APOL4: variants seen among roughly 807,000 people sequenced by gnomAD.
APOL4 encodes apolipoprotein L4, also known as apolipoprotein L, 4.
APOL4 carries 14 observed loss-of-function variants against 12.1 expected under a neutral mutation model. The observed-to-expected ratio is 1.16, with a 90% CI of 0.76 to 1.81. The LOEUF is 1.81. Ranked by LOEUF, APOL4 falls within the 40% of genes most tolerant of loss-of-function variation. The pLI is 0.00. For missense variants in APOL4, 432 were observed against 423.1 expected, an observed-to-expected ratio of 1.02 and a Z score of -0.18; for synonymous variants, 171 against 160.6, an observed-to-expected ratio of 1.06 and a Z score of -0.49.
rs959315167 is a variant in APOL4, at chr22:36,190,462, C to G, written c.*613G>C. 1.5e-4 allele frequency: 23 copies of G among 152,458 alleles called. No homozygotes were observed. Among genetic ancestry groups the G allele is most frequent in the African/African-American group, 5.6e-4 (23 of 41,428 alleles). The allele number at this position is 152,458 out of a possible 1,614,324, so 9.4% of individuals were successfully genotyped here. A position where few individuals can be genotyped will look rare whatever the true frequency, so the allele number is the denominator to read the frequency against. On this transcript the variant is annotated 3_prime_UTR_variant, in exon 4 of 4. Coordinates refer to ENST00000683024, the MANE Select transcript of APOL4 (RefSeq NM_001386885.1). ...ATAAGCCTGGGAGCGCTATGGGAGA[C>G]TGGGGTTTATTTCATCCCTACAGTC...
upstream of APOL4, among the ~76,000 whole-genome samples, chr22:36,203,959 T>C (rs1470271389): frequency 6.6e-6 from 1 of 152,188 alleles, no homozygotes; most frequent in East Asian, 1.9e-4. Flanking sequence ...GCCTGTTTCT[T>C]CTCCATCACC....
chr22:36,200,953 T>A (rs1016644372), intron 1 of APOL4, among the ~76,000 whole-genome samples: 5 of 152,214 alleles, frequency 3.3e-5, no homozygotes, highest in African/African-American at 1.2e-4. Flanking sequence ...AGGATTAATA[T>A]TGTCATTTTT....
intron 3 of APOL4, 119 bp from the exon 4 acceptor site, chr22:36,192,031 G>A: frequency 1.0e-6 from 1 of 996,864 alleles, no homozygotes; most frequent in Non-Finnish European, 1.4e-6. Flanking sequence ...TGGAAGTAAA[G>A]TTCTAAAAGA....
upstream of APOL4, among the ~76,000 whole-genome samples, chr22:36,203,025 G>A (rs934605024): frequency 1.3e-5 from 2 of 152,178 alleles, no homozygotes; most frequent in Non-Finnish European, 2.9e-5. Flanking sequence ...TCTCACTCCT[G>A]TAGTTACACT....
chr22:36,199,349 T>C lies in APOL4; in HGVS notation c.63A>G (p.Thr21=), dbSNP rs188440004. ...GCTTACCTTGGAACTGTCCAGCCACTGTCCAGCCTGGATGGTTTTGCTGCA... is the reference window on the plus strand; with the variant it reads ...GCTTACCTTGGAACTGTCCAGCCACCGTCCAGCCTGGATGGTTTTGCTGCA... The part of the protein sequence containing the change: ...VGVQQNHPGW[T]VAGQFQEKKR... Residue 21 remains threonine (T), a synonymous_variant, in exon 2 of 4, where the codon ACA becomes ACG. Transcript: ENST00000683024. 1.2e-5 allele frequency: 19 copies of C among 1,614,104 alleles called. No homozygotes were observed. The Admixed American group carries it at 3.2e-4, about 27-fold the overall frequency.
Position 36,191,786 on chromosome 22 carries a change from G to A in APOL4, c.336C>T (p.Ile112=), listed in dbSNP as rs770750848. Residue 112 remains isoleucine, a synonymous_variant, in exon 4 of 4, where the codon ATC becomes ATT. Transcript: ENST00000683024. ...REWFLKEFPQ[I]RWKIQESIER... ...CTATGGACTCCTGAATCTTCCATCTGATTTGAGGAAACTCTTTCAAAAACC... is the reference window on the plus strand; with the variant it reads ...CTATGGACTCCTGAATCTTCCATCTAATTTGAGGAAACTCTTTCAAAAACC... The A allele has an allele frequency of 6.3e-7, 1 of 1,592,246 alleles. No homozygotes were observed. The highest frequency in any genetic ancestry group is 1.1e-5 in the South Asian group (1 of 90,198).
rs1228361357 is a variant in APOL4, at chr22:36,189,319, A to G, written c.*1756T>C. On this transcript the variant is annotated 3_prime_UTR_variant, in exon 4 of 4. Coordinates refer to ENST00000683024, the MANE Select transcript of APOL4 (RefSeq NM_001386885.1). ...CTCCAGGATGTTTGGATTCTCAGAG[A>G]CACCTGGTCCTCAGCTGGGCACCAT... 6.6e-6 allele frequency: 1 copy of G among 152,150 alleles called. No individual in the cohort carries two copies. The highest frequency in any genetic ancestry group is 1.5e-5 in the Non-Finnish European group (1 of 68,084). The allele number at this position is 152,150 out of a possible 1,614,324, so 9.4% of individuals were successfully genotyped here. A position where few individuals can be genotyped will look rare whatever the true frequency, so the allele number is the denominator to read the frequency against.
In APOL4 at chr22:36,201,704, C is replaced by T. The variant is rs376470983; in HGVS notation, c.31G>A (p.Val11Ile). The change falls in exon 1 of 4, where the codon GTC becomes ATC. Residue 11 changes from valine to isoleucine, a missense_variant. Coordinates refer to ENST00000683024, the MANE Select transcript of APOL4 (RefSeq NM_001386885.1). ...GAGCTGGGGCCTCGGACTCACCCGA[C>T]GCTTGTGATGAGCTGCACCCAGGAT... MGSWVQLITS[V>I]GVQQNHPGWT... The T allele has an allele frequency of 2.6e-5, 42 of 1,607,374 alleles. No homozygotes were observed. The highest frequency in any genetic ancestry group is 4.5e-5 in the South Asian group (4 of 89,364).
At chr22:36,191,971 T>C (rs2014269813) in intron 3 of APOL4, 59 bp from the exon 4 acceptor site, 3 of 1,344,242 alleles carry the variant, frequency 2.2e-6, no homozygotes, top group Middle Eastern at 1.9e-4. Flanking sequence ...TAAAATGAGC[T>C]CAATAAGATC....
At chr22:36,197,498 A>T in intron 2 of APOL4, 1 of 1,260,712 alleles carries the variant, frequency 7.9e-7, no homozygotes, top group Non-Finnish European at 1.0e-6. Context: ...GGGGATGGTG[A>T]ATATTAAAGC....
intron 3 of APOL4, among the ~76,000 whole-genome samples, chr22:36,192,431 T>C (rs942594899): frequency 6.6e-6 from 1 of 152,128 alleles, no homozygotes; most frequent in Non-Finnish European, 1.5e-5. Context: ...TGGGAAAAAA[T>C]AAGTTAAAGT....
upstream of APOL4, chr22:36,204,635 T>A (rs1302993309): frequency 8.4e-6 from 6 of 712,828 alleles, no homozygotes; most frequent in Admixed American, 3.0e-5. Flanking sequence ...TACCAAGGGA[T>A]CTTCCTCTGA....
Position 36,191,687 on chromosome 22 carries a change from G to A in APOL4, c.435C>T (p.Gly145=). ...CAATGACAGACAGGATGCCAGTGGA[G>A]CCAGACACCACATTGGCGATGACGC... ...RGCVIANVVS[G]STGILSVIGV... is the part of the protein sequence containing the mutation. Residue 145 remains glycine, a synonymous_variant, in exon 4 of 4, where the codon GGC becomes GGT. Coordinates refer to ENST00000683024, the MANE Select transcript of APOL4 (RefSeq NM_001386885.1). 6.2e-7 allele frequency: 1 copy of A among 1,614,062 alleles called. No individual in the cohort carries two copies. Among genetic ancestry groups the A allele is most frequent in the Non-Finnish European group, 8.5e-7 (1 of 1,179,910 alleles).
chr22:36,204,685 A>T, upstream of APOL4: 4 of 621,526 alleles, frequency 6.4e-6, no homozygotes, highest in East Asian at 4.6e-5. Flanking sequence ...AGCTGTGTGG[A>T]TCTCACCTCC....
intron 3 of APOL4, among the ~76,000 whole-genome samples, chr22:36,193,874 G>C (rs967249738): frequency 6.6e-6 from 1 of 152,160 alleles, no homozygotes; most frequent in Non-Finnish European, 1.5e-5. Context: ...CCACCTTACT[G>C]CCTCCTGACC....
rs1484064810 is a variant in APOL4, at chr22:36,191,676, A to G, written c.446T>C (p.Ile149Thr). The change falls in exon 4 of 4, where the codon ATC (isoleucine) becomes ACC (threonine). Residue 149 changes from isoleucine (I) to threonine (T), a missense_variant. Coordinates refer to ENST00000683024, the MANE Select transcript of APOL4 (RefSeq NM_001386885.1). ...IANVVSGSTG[I>T]LSVIGVMLAP... ...CAACATAACGCCAATGACAGACAGG[A>G]TGCCAGTGGAGCCAGACACCACATT... 9 of 1,614,078 alleles carry G rather than the reference A, an allele frequency of 5.6e-6. No individual in the cohort carries two copies. The highest frequency in any genetic ancestry group is 7.6e-6 in the Non-Finnish European group (9 of 1,179,910).
chr22:36,202,709 G>C (rs2014619982), upstream of APOL4, among the ~76,000 whole-genome samples: 2 of 149,258 alleles, frequency 1.3e-5, no homozygotes, highest in South Asian at 4.2e-4. Context: ...CTGGGCAACA[G>C]AGCGAGACTC....
At chr22:36,197,617 G>A (rs896738503) in intron 2 of APOL4, 1 of 1,530,526 alleles carries the variant, frequency 6.5e-7, no homozygotes, top group Non-Finnish European at 8.8e-7. Context: ...AATCTGAACT[G>A]GGGTCATATC....
chr22:36,197,269 C>T lies in APOL4; in HGVS notation c.83-1832G>A, dbSNP rs184164206. On this transcript the variant is annotated intron_variant, in intron 2 of 3. Coordinates refer to ENST00000683024, the MANE Select transcript of APOL4 (RefSeq NM_001386885.1). Reference sequence around the variant, plus strand: ...GCACAGCCCAGTTTGCTGTCCAGGGCGGCCCCTGAGCAGAGCTGACTTGGT... The same window carrying T: ...GCACAGCCCAGTTTGCTGTCCAGGGTGGCCCCTGAGCAGAGCTGACTTGGT... Among the ~76,000 whole-genome samples, 22 of 152,288 alleles carry T rather than the reference C, an allele frequency of 1.4e-4. 1 individual carries two copies. In the East Asian group the frequency reaches 3.3e-3, roughly 23 times the overall value.
Sources: allele counts gnomAD v4.1 joint callset (sites outside exome capture counted in the v4.1 genomes callset), GRCh38; gene constraint gnomAD v4.1.1; transcripts MANE v1.5; gene names NCBI Gene and HGNC (gene_info 2026-07-23, HGNC 2026-07-21).